Variants in PKP2 observed in about 807,000 individuals in gnomAD.
PKP2 encodes the protein plakophilin 2.
A neutral mutation model predicts 83.4 loss-of-function variants in PKP2; 73 were observed. That is an observed-to-expected ratio of 0.88 (90% CI 0.72 to 1.06). The LOEUF (loss-of-function observed/expected upper bound fraction) is 1.06. Ranked by LOEUF, PKP2 falls within the 50% of genes least tolerant of loss-of-function variation. PKP2 has a pLI of 0.00. For synonymous variants in PKP2, 409 were observed against 430.4 expected, an observed-to-expected ratio of 0.95 and a Z score of 0.62; for missense variants, 966 against 1,065.4, an observed-to-expected ratio of 0.91 and a Z score of 1.30.
intron 9 of PKP2, among the ~76,000 whole-genome samples, chr12:32,803,819 G>T (rs1395297038): frequency 1.3e-5 from 2 of 152,120 alleles, no homozygotes; most frequent in African/African-American, 4.8e-5. Context: ...ATAATTCTGT[G>T]CATGAAATAG....
intron 4 of PKP2, among the ~76,000 whole-genome samples, chr12:32,856,952 G>A (rs772500827): frequency 1.3e-5 from 2 of 152,152 alleles, no homozygotes; most frequent in Non-Finnish European, 2.9e-5. Context: ...AGGTAAGAAA[G>A]CTGAAGCTCA....
rs1306422682 is a variant in PKP2, at chr12:32,796,309, A to G, written c.2168-11T>C. 2 of 1,506,528 alleles carry G rather than the reference A, an allele frequency of 1.3e-6. No homozygotes were observed. Among genetic ancestry groups the G allele is most frequent in the South Asian group, 1.2e-5 (1 of 84,516 alleles). 93.3% of individuals were successfully genotyped at this position (1,506,528 alleles called of 1,614,324 possible). A position where few individuals can be genotyped will look rare whatever the true frequency, so the allele number is the denominator to read the frequency against. On this transcript the variant is annotated splice_polypyrimidine_tract_variant and intron_variant, in intron 10 of 12. Coordinates refer to ENST00000340811, the MANE Select transcript of PKP2 (RefSeq NM_001005242.3). The stretch of plus-strand genomic sequence containing the variant: ...GGAGAGTTTCTTTGGCTACAAAATG[A>G]AAAAAAAAACAAAACACTTGATTAA...
rs1416971792 is a variant in PKP2 at position 32,860,090 on chromosome 12, C to T, written c.1170+8837G>A. 4.6e-5 allele frequency among the ~76,000 whole-genome samples: 7 copies of T among 152,092 alleles called. No individual in the cohort carries two copies. In the East Asian group the frequency reaches 9.6e-4, roughly 21 times the overall value. ...CTGAAAATGAGTAAATGATGGATAG[C>T]GATCCCTTAGATATCACTGCCTTGG... On this transcript the variant is annotated intron_variant, in intron 4 of 12. Coordinates refer to ENST00000340811, the MANE Select transcript of PKP2 (RefSeq NM_001005242.3).
intron 5 of PKP2, among the ~76,000 whole-genome samples, chr12:32,845,394 C>G (rs1956635696): frequency 6.6e-6 from 1 of 151,466 alleles, no homozygotes; most frequent in Non-Finnish European, 1.5e-5. Context: ...ACTAAAAATA[C>G]AAAAAAAATT....
At chr12:32,846,387 G>A (rs1455653997) in intron 5 of PKP2, among the ~76,000 whole-genome samples, 1 of 152,156 alleles carries the variant, frequency 6.6e-6, no homozygotes, top group Non-Finnish European at 1.5e-5. Flanking sequence ...TAGAAGAGAA[G>A]ATCCTAGGCT....
chr12:32,800,743 A>G (rs7302586), intron 10 of PKP2, among the ~76,000 whole-genome samples: 31,154 of 152,040 alleles, frequency 0.2, 3,821 homozygotes, highest in East Asian at 0.56. Context: ...TCCTTTTAGT[A>G]AGTTAAACTA....
Position 32,878,121 on chromosome 12 carries a change from G to A in PKP2, c.759C>T (p.Gly253=), listed in dbSNP as rs1343941969. 1 of 1,614,278 alleles carries A rather than the reference G, an allele frequency of 6.2e-7. No individual in the cohort carries two copies. The highest frequency in any genetic ancestry group is 8.5e-7 in the Non-Finnish European group (1 of 1,180,056). The change falls in exon 3 of 13, where the codon GGC becomes GGT. Residue 253 remains glycine (G), a synonymous_variant. Coordinates refer to ENST00000340811, the MANE Select transcript of PKP2 (RefSeq NM_001005242.3). ...YPRPGTSRSM[G]NLLEKENYLT... is the part of the protein sequence containing the mutation. ...GGTAGTTCTCCTTCTCCAAGAGGTT[G>A]CCCATGCTGCGGCTGGTCCCTGGCC...
In PKP2 at chr12:32,877,860, A is replaced by G. The variant is rs1956944980; in HGVS notation, c.1020T>C (p.Thr340=). 4 of 1,613,044 alleles carry G rather than the reference A, an allele frequency of 2.5e-6. No homozygotes were observed. Among genetic ancestry groups the G allele is most frequent in the Non-Finnish European group, 3.4e-6 (4 of 1,178,980 alleles). ...GNLLTERSTF[T]DSQLGNADME... is the part of the protein sequence containing the mutation. ...AGGGGACTTACCCCAGCTGGGAGTC[A>G]GTGAAAGTGCTTCTCTCAGTGAGCA... Residue 340 remains threonine (T), a synonymous_variant, in exon 3 of 13, where the codon ACT becomes ACC. Coordinates refer to ENST00000340811, the MANE Select transcript of PKP2 (RefSeq NM_001005242.3).
chr12:32,858,832 C>T (rs1956776652), intron 4 of PKP2, among the ~76,000 whole-genome samples: 1 of 152,046 alleles, frequency 6.6e-6, no homozygotes, highest in Non-Finnish European at 1.5e-5. Flanking sequence ...AATACAAAGT[C>T]AAAAACCACA....
At chr12:32,816,355 G>A (rs1956319335) in intron 9 of PKP2, among the ~76,000 whole-genome samples, 1 of 152,126 alleles carries the variant, frequency 6.6e-6, no homozygotes, top group South Asian at 2.1e-4. Context: ...TTCTGTACCT[G>A]CATTAATTCA....
At chr12:32,870,129 A>ACATTCCAGACACATT (rs1372949602) in intron 3 of PKP2, among the ~76,000 whole-genome samples, 1 of 152,244 alleles carries the variant, frequency 6.6e-6, no homozygotes, top group Admixed American at 6.5e-5. Flanking sequence ...ATTCCAGGTA[A>ACATTCCAGACACATT]CATTCCAGAC....
chr12:32,858,073 A>T (rs1249598979), intron 4 of PKP2, among the ~76,000 whole-genome samples: 3 of 63,048 alleles, frequency 4.8e-5, no homozygotes, highest in African/African-American at 2.2e-4. Context: ...ACAAAAAAAA[A>T]AAAAAAAAAA....
intron 6 of PKP2, among the ~76,000 whole-genome samples, chr12:32,828,758 A>G (rs1956468234): frequency 6.6e-6 from 1 of 152,210 alleles, no homozygotes; most frequent in Non-Finnish European, 1.5e-5. Flanking sequence ...AGCTTAGTGT[A>G]CAGTGTGTGG....
At position 32,792,729 on chromosome 12, in the gene PKP2, T is replaced by G; in HGVS notation, c.2360A>C (p.Tyr787Ser). ...KIMAISAGDA[Y>S]ASNKASKAAS... ...AGCTTTACTTGCTTTGTTGGAGGCATAGCTGAAAAGAAAAGGACATTCTGA... is the reference window on the plus strand; with the variant it reads ...AGCTTTACTTGCTTTGTTGGAGGCAGAGCTGAAAAGAAAAGGACATTCTGA... The change falls in exon 12 of 13, where the codon TAT (tyrosine) becomes TCT (serine). Residue 787 changes from tyrosine (Y) to serine (S), a missense_variant and splice_region_variant. Transcript: ENST00000340811. 6.2e-7 allele frequency: 1 copy of G among 1,613,386 alleles called. No homozygotes were observed. The highest frequency in any genetic ancestry group is 8.5e-7 in the Non-Finnish European group (1 of 1,179,398).
intron 10 of PKP2, among the ~76,000 whole-genome samples, 165 bp downstream of exon 10, chr12:32,802,237 AG>A (rs1293313344): frequency 6.6e-6 from 1 of 152,056 alleles, no homozygotes; most frequent in African/African-American, 2.4e-5. Context: ...CCACTGAGAA[AG>A]CCTGTTTGTG....
At chr12:32,807,828 TTTTC>T (rs1175681138) in intron 9 of PKP2, among the ~76,000 whole-genome samples, 1 of 152,226 alleles carries the variant, frequency 6.6e-6, no homozygotes, top group African/African-American at 2.4e-5. Flanking sequence ...TTGGAAATTC[TTTTC>T]TTTAAGAATT....
chr12:32,867,331 A>G (rs553589086), intron 4 of PKP2, among the ~76,000 whole-genome samples: 23 of 152,340 alleles, frequency 1.5e-4, no homozygotes, highest in African/African-American at 5.3e-4. Flanking sequence ...CTGTCTCAAA[A>G]CATAGAAAGA....
intron 1 of PKP2, among the ~76,000 whole-genome samples, chr12:32,892,921 C>G (rs1181501481): frequency 6.8e-6 from 1 of 146,392 alleles, no homozygotes; most frequent in Non-Finnish European, 1.5e-5. Flanking sequence ...ACTTGCAATT[C>G]TTAAATGTCT....
At chr12:32,822,103 T>C (rs1293903063) in intron 8 of PKP2, among the ~76,000 whole-genome samples, 1 of 152,222 alleles carries the variant, frequency 6.6e-6, no homozygotes, top group East Asian at 1.9e-4. Flanking sequence ...GGGCCGACTT[T>C]AATAAAAACA....
Sources: allele counts gnomAD v4.1 joint callset (sites outside exome capture counted in the v4.1 genomes callset), GRCh38; gene constraint gnomAD v4.1.1; transcripts MANE v1.5; gene names NCBI Gene and HGNC (gene_info 2026-07-23, HGNC 2026-07-21).